ACTR6: variants seen among roughly 807,000 people sequenced by gnomAD.
The protein encoded by ACTR6 is actin-related protein 6.
A neutral mutation model predicts 52.5 loss-of-function variants in ACTR6; 50 were observed. The ratio of observed to expected loss-of-function variants is 0.95; its 90% CI spans 0.76 to 1.20. The LOEUF is 1.20. Among genes scored for constraint, ACTR6 ranks in the 50% most tolerant of loss-of-function variants. The pLI, the probability that ACTR6 is intolerant of heterozygous loss-of-function variation, is 0.00. For missense variants in ACTR6, 344 were observed against 472.4 expected (o/e 0.73, Z 2.52); for synonymous variants, 135 against 147.2 (o/e 0.92, Z 0.60).
At chr12:100,213,097 T>C (rs12810504) in intron 8 of ACTR6, among the ~76,000 whole-genome samples, 42 of 152,256 alleles carry the variant, frequency 2.8e-4, no homozygotes, top group Non-Finnish European at 4.7e-4. Flanking sequence ...TTTTGTTTTT[T>C]TGGTTTTTTT....
At chr12:100,209,635 G>C (rs1207801677) in intron 4 of ACTR6, among the ~76,000 whole-genome samples, 1 of 152,176 alleles carries the variant, frequency 6.6e-6, no homozygotes, top group Non-Finnish European at 1.5e-5. Flanking sequence ...TTGAATCCTG[G>C]CTCTGGTACT....
At position 100,221,783 on chromosome 12, in the gene ACTR6, T is replaced by C. The variant is rs906648520; in HGVS notation, c.1061+1637T>C. On this transcript the variant is annotated intron_variant, in intron 10 of 10. Transcript: ENST00000188312. ...GCACTCCAGCCTGGGCAACAGTGTT[T>C]GACCCCGTCTCTAAAAAAAAAGAAG... 17 of 151,842 alleles carry C rather than the reference T, an allele frequency of 1.1e-4. No homozygotes were observed. The East Asian group carries it at 2.9e-3, about 26-fold the overall frequency. The allele number at this position is 151,842 out of a possible 1,614,324, so 9.4% of individuals were successfully genotyped here.
At chr12:100,206,056 T>C (rs917213379) in intron 3 of ACTR6, 1 of 180,674 alleles carries the variant, frequency 5.5e-6, no homozygotes, top group Non-Finnish European at 1.1e-5. Flanking sequence ...GTTTTTAATG[T>C]CTGTAATGTG....
chr12:100,205,145 T>A (rs567305636), intron 2 of ACTR6, 88 bp downstream of exon 2: 7 of 823,068 alleles, frequency 8.5e-6, no homozygotes, highest in South Asian at 4.5e-5. Flanking sequence ...TGTGTGTAAC[T>A]TAAATTTTAA....
In ACTR6 at chr12:100,220,109, C is replaced by T; in HGVS notation, c.1024C>T (p.Pro342Ser). The change falls in exon 10 of 11, where the codon CCA becomes TCA. Residue 342 changes from proline (P) to serine (S), a missense_variant. Transcript: ENST00000188312. The part of the protein sequence containing the change: ...RVYSEVRCLT[P>S]TDYDVSVVLP... ...TTACTCAGAAGTTCGATGTCTTACT[C>T]CAACAGATTATGATGTTTCTGTTGT... is the stretch of plus-strand genomic sequence containing the variant. The T allele has an allele frequency of 6.2e-7, 1 of 1,613,770 alleles. No individual in the cohort carries two copies. Among genetic ancestry groups the T allele is most frequent in the Non-Finnish European group, 8.5e-7 (1 of 1,179,854 alleles).
intron 10 of ACTR6, among the ~76,000 whole-genome samples, chr12:100,222,691 A>C (rs1293153419): frequency 9.2e-5 from 14 of 152,194 alleles, no homozygotes; most frequent in African/African-American, 2.9e-4. Flanking sequence ...ATATGCCATC[A>C]TACTTGGCTA....
At chr12:100,221,665 C>T (rs1007935340) in intron 10 of ACTR6, 6 of 152,002 alleles carry the variant, frequency 3.9e-5, no homozygotes, top group African/African-American at 1.2e-4. Flanking sequence ...TTTGGTGGCT[C>T]ACACCTGTAA....
intron 8 of ACTR6, among the ~76,000 whole-genome samples, chr12:100,216,044 T>C (rs550685674): frequency 6.6e-6 from 1 of 152,358 alleles, no homozygotes; most frequent in East Asian, 1.9e-4. Flanking sequence ...AGCCTACTAA[T>C]GTATAATGAA....
rs2096113915 is a variant in ACTR6 at position 100,205,663 on chromosome 12, A to C, written c.187-13A>C. ...ATGTTCTTGATAATTAAATTTATAAAAACATTTTTTAGGGCTACTTGGTGA... is the reference window on the plus strand; with the variant it reads ...ATGTTCTTGATAATTAAATTTATAACAACATTTTTTAGGGCTACTTGGTGA... On this transcript the variant is annotated splice_polypyrimidine_tract_variant and intron_variant, in intron 2 of 10. Coordinates refer to ENST00000188312, the MANE Select transcript of ACTR6 (RefSeq NM_022496.5). 6.7e-7 allele frequency: 1 copy of C among 1,486,812 alleles called. No individual in the cohort carries two copies. The highest frequency in any genetic ancestry group is 1.4e-5 in the African/African-American group (1 of 69,182). The allele number at this position is 1,486,812 out of a possible 1,614,324, so 92.1% of individuals were successfully genotyped here.
chr12:100,222,257 GTTTTTT>G (rs35143045), intron 10 of ACTR6, among the ~76,000 whole-genome samples: 1 of 123,456 alleles, frequency 8.1e-6, no homozygotes, highest in African/African-American at 3.2e-5. Flanking sequence ...CTGGCTTTGG[GTTTTTT>G]TTTTTTTTTT....
intron 3 of ACTR6, 130 bp from the exon 4 acceptor site, chr12:100,207,533 T>G: frequency 1.2e-6 from 1 of 830,036 alleles, no homozygotes; most frequent in Non-Finnish European, 1.7e-6. Context: ...AGTTTGCTCA[T>G]CTATTAAATG....
rs1342111123 is a variant in ACTR6, at chr12:100,224,233, C to A, written c.*318C>A. On this transcript the variant is annotated 3_prime_UTR_variant, in exon 11 of 11. Transcript: ENST00000188312. Reference sequence around the variant, plus strand: ...ATAGCTGAAAGCACAAATTTAACGGCTTCACTGGACAGTTTTCCTTAGAAG... The same window carrying A: ...ATAGCTGAAAGCACAAATTTAACGGATTCACTGGACAGTTTTCCTTAGAAG... 6.8e-5 allele frequency: 12 copies of A among 176,198 alleles called. No homozygotes were observed. Among genetic ancestry groups the A allele is most frequent in the Non-Finnish European group, 1.4e-4 (12 of 84,870 alleles). The allele number at this position is 176,198 out of a possible 1,614,324, so 10.9% of individuals were successfully genotyped here. A position where few individuals can be genotyped will look rare whatever the true frequency, so the allele number is the denominator to read the frequency against.
At chr12:100,207,981 GA>G in intron 4 of ACTR6, 195 bp downstream of exon 4, 1 of 470,964 alleles carries the variant, frequency 2.1e-6, no homozygotes, top group Non-Finnish European at 3.8e-6. Context: ...GCAGCATGGT[GA>G]AACCCTGTCT....
At chr12:100,212,639 C>A in intron 8 of ACTR6, 111 bp downstream of exon 8, 1 of 690,630 alleles carries the variant, frequency 1.4e-6, no homozygotes, top group South Asian at 1.8e-5. Context: ...ACAAAGCAAG[C>A]CCCTGTCTCT....
chr12:100,201,547 C>A (rs1031530093), intron 1 of ACTR6, among the ~76,000 whole-genome samples: 2 of 152,368 alleles, frequency 1.3e-5, no homozygotes, highest in Admixed American at 1.3e-4. Flanking sequence ...CTTCCTCCCT[C>A]CTTTCCTTCT....
chr12:100,205,111 T>C (rs1368039626), intron 2 of ACTR6, 54 bp downstream of exon 2: 1 of 1,158,622 alleles, frequency 8.6e-7, no homozygotes, highest in Non-Finnish European at 1.2e-6. Flanking sequence ...AATTTAAAGA[T>C]AATTTTAATT....
At position 100,212,410 on chromosome 12, in the gene ACTR6, A is replaced by G. The variant is rs777538480; in HGVS notation, c.672-40A>G. On this transcript the variant is annotated intron_variant, in intron 7 of 10. Transcript: ENST00000188312. ...AGTAGATTGTTAGGGGATGTTACACATAATTAGAATGTTTCATAAATCTCA... is the reference window on the plus strand; with the variant it reads ...AGTAGATTGTTAGGGGATGTTACACGTAATTAGAATGTTTCATAAATCTCA... 1.2e-5 allele frequency: 19 copies of G among 1,597,660 alleles called. No homozygotes were observed. The South Asian group carries it at 1.8e-4, about 15-fold the overall frequency.
chr12:100,219,374 C>A (rs118164022), intron 9 of ACTR6, among the ~76,000 whole-genome samples: 1 of 152,028 alleles, frequency 6.6e-6, no homozygotes, highest in Non-Finnish European at 1.5e-5. Flanking sequence ...GTGGGACGGC[C>A]CATACCTGTT....
At chr12:100,206,634 T>C (rs2096114916) in intron 3 of ACTR6, among the ~76,000 whole-genome samples, 2 of 151,626 alleles carry the variant, frequency 1.3e-5, no homozygotes. Flanking sequence ...AGCCCCATCT[T>C]CTCTTGTTTT....
Sources: gnomAD v4.1 joint callset for allele counts (sites outside exome capture counted in the v4.1 genomes callset) on GRCh38, gnomAD v4.1.1 for gene constraint, MANE v1.5 for transcripts, NCBI Gene and HGNC (gene_info 2026-07-23, HGNC 2026-07-21) for gene names.